The following SORCS3 variants were observed in gnomAD, a reference collection of about 807,000 sequenced individuals.
SORCS3 encodes the protein VPS10 domain-containing receptor SorCS3.
In SORCS3, 57 loss-of-function variants were observed where a neutral mutation model predicts 146.3. The observed-to-expected ratio is 0.39, with a 90% CI of 0.31 to 0.49. The LOEUF is 0.49. SORCS3 is among the 20% of genes least tolerant of loss of function. The pLI is 0.92. For missense variants in SORCS3, 1,341 were observed against 1,575.5 expected (o/e 0.85, Z 2.52); for synonymous variants, 653 against 618.5 (o/e 1.06, Z -0.83).
chr10:104,669,200 G>A (rs1406821078), intron 1 of SORCS3, among the ~76,000 whole-genome samples: 1 of 152,154 alleles, frequency 6.6e-6, no homozygotes, highest in Non-Finnish European at 1.5e-5. Context: ...GTACTAGAGT[G>A]CACAGATTTA....
At chr10:104,652,705 A>G (rs1208183613) in intron 1 of SORCS3, among the ~76,000 whole-genome samples, 1 of 152,212 alleles carries the variant, frequency 6.6e-6, no homozygotes, top group Admixed American at 6.5e-5. Context: ...TAATAATAAA[A>G]TTCTCAGATG....
chr10:104,942,787 AG>A (rs1241402291), intron 3 of SORCS3, among the ~76,000 whole-genome samples: 4 of 152,236 alleles, frequency 2.6e-5, no homozygotes, highest in Non-Finnish European at 5.9e-5. Context: ...TTCCTTAATG[AG>A]ATAAAGTGTA....
chr10:104,786,260 C>CAA (rs71482438), intron 1 of SORCS3, among the ~76,000 whole-genome samples: 389 of 110,682 alleles, frequency 3.5e-3, no homozygotes, highest in Admixed American at 6.5e-3. Flanking sequence ...AATTGGAAGC[C>CAA]AAAAAAAAAA....
At chr10:104,888,918 C>T (rs921424138) in intron 2 of SORCS3, among the ~76,000 whole-genome samples, 8 of 152,066 alleles carry the variant, frequency 5.3e-5, no homozygotes, top group African/African-American at 1.2e-4. Context: ...AAATTATTAC[C>T]GTTGAATATT....
intron 2 of SORCS3, among the ~76,000 whole-genome samples, chr10:104,889,282 CTTT>C (rs35462776): frequency 2.4e-5 from 3 of 122,694 alleles, no homozygotes; most frequent in Non-Finnish European, 3.6e-5. Context: ...ATTTCCTGTG[CTTT>C]TTTTTTTTTT....
chr10:105,105,956 A>G (rs1210335600), intron 7 of SORCS3, among the ~76,000 whole-genome samples: 1 of 152,136 alleles, frequency 6.6e-6, no homozygotes, highest in African/African-American at 2.4e-5. Flanking sequence ...TCCAGTGCTG[A>G]CTACCTTCTC....
intron 1 of SORCS3, among the ~76,000 whole-genome samples, chr10:104,822,505 G>C (rs1224124109): frequency 1.3e-5 from 2 of 152,196 alleles, no homozygotes; most frequent in Non-Finnish European, 2.9e-5. Context: ...CTACATGAGA[G>C]AGGGCTCTTA....
At chr10:105,157,507 C>T (rs1036607525) in intron 10 of SORCS3, among the ~76,000 whole-genome samples, 3 of 152,170 alleles carry the variant, frequency 2.0e-5, no homozygotes, top group Non-Finnish European at 4.4e-5. Flanking sequence ...CTACTATGTG[C>T]TCCATCTCAT....
Position 105,194,614 on chromosome 10 carries a change from G to GT in SORCS3, c.2010-5377dup, listed in dbSNP as rs145159664. On this transcript the variant is annotated intron_variant, in intron 14 of 26. Coordinates refer to ENST00000369701, the MANE Select transcript of SORCS3 (RefSeq NM_014978.3). ...AAATTTCACGCTCTAGAATTGCCTT[G>GT]TTTTTTTTCTGTTGGCATTCAATGA... Among the ~76,000 whole-genome samples the GT allele has an allele frequency of 1.4e-3, 218 of 151,940 alleles. 1 individual carries two copies. In the East Asian group the frequency reaches 0.018, roughly 12 times the overall value.
chr10:104,728,055 CTAT>C (rs2016662278), intron 1 of SORCS3, among the ~76,000 whole-genome samples: 1 of 150,508 alleles, frequency 6.6e-6, no homozygotes, highest in Non-Finnish European at 1.5e-5. Flanking sequence ...ATCTATCTAT[CTAT>C]CTATCTATCT....
chr10:104,881,451 G>T (rs2018629302), intron 2 of SORCS3, among the ~76,000 whole-genome samples: 1 of 152,192 alleles, frequency 6.6e-6, no homozygotes, highest in African/African-American at 2.4e-5. Context: ...TTAACATTTT[G>T]ATTGAACCGA....
chr10:104,674,272 TAATA>T (rs2015889588), intron 1 of SORCS3, among the ~76,000 whole-genome samples: 1 of 152,244 alleles, frequency 6.6e-6, no homozygotes. Context: ...CTTTGCCTTC[TAATA>T]TTCCTATCCT....
intron 5 of SORCS3, among the ~76,000 whole-genome samples, chr10:105,047,625 C>G (rs2055382711): frequency 6.6e-6 from 1 of 151,990 alleles, no homozygotes; most frequent in Admixed American, 6.6e-5. Flanking sequence ...TATATCAGGC[C>G]ATGTTAGGCA....
intron 4 of SORCS3, among the ~76,000 whole-genome samples, chr10:105,026,525 T>C (rs1156314294): frequency 6.6e-6 from 1 of 152,218 alleles, no homozygotes. Flanking sequence ...ACACATGCAC[T>C]TGTATGTTCA....
intron 1 of SORCS3, among the ~76,000 whole-genome samples, chr10:104,753,461 G>A (rs1361596470): frequency 1.3e-5 from 2 of 152,196 alleles, no homozygotes; most frequent in Non-Finnish European, 2.9e-5. Flanking sequence ...CTTAAGGCTG[G>A]ATTCTGAAAG....
At chr10:104,736,328 C>T (rs2016772347) in intron 1 of SORCS3, among the ~76,000 whole-genome samples, 1 of 152,084 alleles carries the variant, frequency 6.6e-6, no homozygotes, top group Non-Finnish European at 1.5e-5. Context: ...TTGTTATAAA[C>T]GGAGATTTCT....
At chr10:104,658,788 G>A (rs1398671322) in intron 1 of SORCS3, among the ~76,000 whole-genome samples, 4 of 152,104 alleles carry the variant, frequency 2.6e-5, no homozygotes, top group Admixed American at 6.5e-5. Context: ...GGCTCATGCT[G>A]CAATAGGACT....
chr10:104,708,519 A>G (rs2016373770), intron 1 of SORCS3, among the ~76,000 whole-genome samples: 1 of 152,218 alleles, frequency 6.6e-6, no homozygotes, highest in Non-Finnish European at 1.5e-5. Context: ...GAGAAAGTCC[A>G]TGTATCTTCG....
In SORCS3 at chr10:105,082,387, A is replaced by G. The variant is rs552811731; in HGVS notation, c.1029-7388A>G. Reference sequence around the variant, plus strand: ...GGGGGAAGAAGACAGGCAGGAAAGTATATTAGTTTATCCGTCCTTCAAATA... The same window carrying G: ...GGGGGAAGAAGACAGGCAGGAAAGTGTATTAGTTTATCCGTCCTTCAAATA... On this transcript the variant is annotated intron_variant, in intron 5 of 26. Transcript: ENST00000369701. Among the ~76,000 whole-genome samples, 4 of 152,348 alleles carry G rather than the reference A, an allele frequency of 2.6e-5. No homozygotes were observed. In the South Asian group the frequency reaches 6.2e-4, roughly 24 times the overall value.
Sources: allele counts gnomAD v4.1 joint callset (sites outside exome capture counted in the v4.1 genomes callset), GRCh38; gene constraint gnomAD v4.1.1; transcripts MANE v1.5; gene names NCBI Gene and HGNC (gene_info 2026-07-23, HGNC 2026-07-21).